Variants in VPS41 observed in about 807,000 individuals in gnomAD.
The protein encoded by VPS41 is VPS41 subunit of HOPS complex.
Under a neutral mutation model 130.9 loss-of-function variants are expected in VPS41, and 85 were observed. The ratio of observed to expected loss-of-function variants is 0.65; its 90% CI spans 0.55 to 0.78. The LOEUF is 0.78. Among genes scored for constraint, VPS41 ranks in the 30% least tolerant of loss-of-function variants. The probability of loss-of-function intolerance (pLI) is 0.00; values close to 1 mark genes in which losing one functional copy is unlikely to be tolerated. For synonymous variants in VPS41, 335 were observed against 332.9 expected (o/e 1.01, Z -0.07); for missense variants, 874 against 1,018.7 (o/e 0.86, Z 1.93).
At chr7:38,893,966 GATATA>G (rs1027558829) in intron 2 of VPS41, among the ~76,000 whole-genome samples, 7 of 151,970 alleles carry the variant, frequency 4.6e-5, no homozygotes, top group Non-Finnish European at 7.4e-5. Context: ...AAGTCTTACT[GATATA>G]ATATAAAAGC....
chr7:38,745,643 T>C (rs1795971893), intron 22 of VPS41, 30 bp from the exon 23 acceptor site: 2 of 1,543,768 alleles, frequency 1.3e-6, no homozygotes, highest in South Asian at 1.2e-5. Flanking sequence ...AAAATGTTAC[T>C]ATAGGCGACC....
At chr7:38,872,891 T>A (rs1375193892) in intron 2 of VPS41, among the ~76,000 whole-genome samples, 1 of 152,216 alleles carries the variant, frequency 6.6e-6, no homozygotes, top group Non-Finnish European at 1.5e-5. Context: ...AGTAAACATG[T>A]TAAATACAAA....
chr7:38,798,585 G>A (rs538689016), intron 7 of VPS41, among the ~76,000 whole-genome samples: 4 of 152,206 alleles, frequency 2.6e-5, no homozygotes, highest in Non-Finnish European at 5.9e-5. Flanking sequence ...GAGCAACCAC[G>A]CCTGGCCACA....
intron 5 of VPS41, among the ~76,000 whole-genome samples, chr7:38,826,784 A>G (rs1225275794): frequency 6.6e-6 from 1 of 152,106 alleles, no homozygotes; most frequent in African/African-American, 2.4e-5. Flanking sequence ...ATGGCATATA[A>G]AAAGTAGTAA....
intron 18 of VPS41, among the ~76,000 whole-genome samples, chr7:38,757,694 G>A (rs1783827257): frequency 6.6e-6 from 1 of 152,144 alleles, no homozygotes; most frequent in Non-Finnish European, 1.5e-5. Flanking sequence ...AAAAACAAGG[G>A]AGAGGAGTGG....
chr7:38,736,754 G>C (rs1259090811), intron 25 of VPS41, among the ~76,000 whole-genome samples: 1 of 152,206 alleles, frequency 6.6e-6, no homozygotes, highest in Non-Finnish European at 1.5e-5. Context: ...ATAGAAAGGA[G>C]GATGAGAATC....
chr7:38,900,364 G>A (rs1417504076), intron 1 of VPS41, among the ~76,000 whole-genome samples: 2 of 152,006 alleles, frequency 1.3e-5, no homozygotes, highest in South Asian at 2.1e-4. Context: ...ATGTGTACAC[G>A]TGGACAAAGA....
chr7:38,763,658 T>G, intron 16 of VPS41, 111 bp from the exon 17 acceptor site: 83 of 562,470 alleles, frequency 1.5e-4, no homozygotes, highest in Non-Finnish European at 2.3e-4. Flanking sequence ...TGTGAGGGAA[T>G]ACAGTACTCT....
At chr7:38,752,393 A>T in intron 21 of VPS41, 80 bp from the exon 22 acceptor site, 1 of 1,552,480 alleles carries the variant, frequency 6.4e-7, no homozygotes, top group Non-Finnish European at 8.8e-7. Flanking sequence ...TTTTAGCTCT[A>T]AACACCTCCC....
rs114512534 is a variant in VPS41 at position 38,790,674 on chromosome 7, C to T, written c.718-807G>A. On this transcript the variant is annotated intron_variant, in intron 9 of 28. Coordinates refer to ENST00000310301, the MANE Select transcript of VPS41 (RefSeq NM_014396.4). ...ATGTGCATAGGTTATATGCAAATACCGCATCATTTTATATATGCAAATGTT... is the reference window on the plus strand; with the variant it reads ...ATGTGCATAGGTTATATGCAAATACTGCATCATTTTATATATGCAAATGTT... Among the ~76,000 whole-genome samples the T allele has an allele frequency of 5.8e-3, 875 of 152,136 alleles. 10 individuals are homozygous for T. The highest frequency in any genetic ancestry group is 0.02 in the African/African-American group (840 of 41,494).
At chr7:38,751,211 C>T (rs527593780) in intron 22 of VPS41, among the ~76,000 whole-genome samples, 8 of 152,278 alleles carry the variant, frequency 5.3e-5, no homozygotes, top group Non-Finnish European at 7.4e-5. Flanking sequence ...GAAGCATACA[C>T]GGAAGTTGTA....
At chr7:38,772,187 G>A (rs184620677) in intron 13 of VPS41, among the ~76,000 whole-genome samples, 2 of 152,010 alleles carry the variant, frequency 1.3e-5, no homozygotes, top group Admixed American at 1.3e-4. Flanking sequence ...TAAAATAAAC[G>A]ATTTCATTAA....
At chr7:38,774,321 A>T (rs1295785539) in intron 11 of VPS41, 77 bp from the exon 12 acceptor site, 9 of 1,347,732 alleles carry the variant, frequency 6.7e-6, no homozygotes, top group Non-Finnish European at 8.8e-6. Flanking sequence ...AGTTAGCCAT[A>T]CATATTAGTT....
At chr7:38,790,596 C>T (rs1325834072) in intron 9 of VPS41, among the ~76,000 whole-genome samples, 2 of 152,156 alleles carry the variant, frequency 1.3e-5, no homozygotes, top group Non-Finnish European at 2.9e-5. Flanking sequence ...GATGTGTAGG[C>T]ATTGTATCAG....
chr7:38,772,779 G>A (rs1784179569), intron 12 of VPS41, 142 bp from the exon 13 acceptor site: 2 of 543,514 alleles, frequency 3.7e-6, no homozygotes, highest in African/African-American at 1.9e-5. Flanking sequence ...GGCTCTGCTG[G>A]AAGGTAAGTG....
chr7:38,873,576 A>G (rs1786421508), intron 2 of VPS41, among the ~76,000 whole-genome samples: 1 of 152,204 alleles, frequency 6.6e-6, no homozygotes, highest in Admixed American at 6.5e-5. Context: ...AACCATCAAC[A>G]GTCTGAGTTA....
intron 21 of VPS41, among the ~76,000 whole-genome samples, chr7:38,754,437 T>G (rs959916738): frequency 3.3e-5 from 5 of 152,206 alleles, no homozygotes; most frequent in African/African-American, 1.2e-4. Flanking sequence ...TATAGTAATA[T>G]AATAGATAGA....
chr7:38,728,378 C>T (rs949682879), intron 27 of VPS41, 164 bp downstream of exon 27: 1 of 804,620 alleles, frequency 1.2e-6, no homozygotes, highest in African/African-American at 1.7e-5. Context: ...GCAATGGCAG[C>T]ACCAGCATTC....
intron 11 of VPS41, among the ~76,000 whole-genome samples, chr7:38,774,715 G>A (rs769681959): frequency 6.6e-6 from 1 of 152,120 alleles, no homozygotes; most frequent in Non-Finnish European, 1.5e-5. Context: ...AAAAGCATCA[G>A]CAATGTGAAT....
Sources: gnomAD v4.1 joint callset for allele counts (sites outside exome capture counted in the v4.1 genomes callset) on GRCh38, gnomAD v4.1.1 for gene constraint, MANE v1.5 for transcripts, NCBI Gene and HGNC (gene_info 2026-07-23, HGNC 2026-07-21) for gene names.